Variants in ACIN1 observed in about 807,000 individuals in gnomAD.
The protein encoded by ACIN1 is apoptotic chromatin condensation inducer in the nucleus.
Under a neutral mutation model 146.6 loss-of-function variants are expected in ACIN1, and 16 were observed. The observed-to-expected ratio is 0.11, with a 90% CI of 0.07 to 0.17. ACIN1 has a LOEUF of 0.17. Ranked by LOEUF, ACIN1 falls within the 10% of genes least tolerant of loss-of-function variation. The probability of loss-of-function intolerance (pLI) is 1.00; values close to 1 mark genes in which losing one functional copy is unlikely to be tolerated. For missense variants in ACIN1, 1,357 were observed against 1,609.3 expected, an observed-to-expected ratio of 0.84 and a Z score of 2.68; for synonymous variants, 569 against 582.7, an observed-to-expected ratio of 0.98 and a Z score of 0.34.
chr14:23,080,021 T>C lies in ACIN1; in HGVS notation c.1314A>G (p.Pro438=), dbSNP rs753763998. The C allele has an allele frequency of 1.5e-5, 25 of 1,614,026 alleles. No homozygotes were observed. The highest frequency in any genetic ancestry group is 5.0e-5 in the Admixed American group (3 of 59,994). ...TKAESPAEKV[P]EESVLPLVQK... The stretch of plus-strand genomic sequence containing the variant: ...GAACCAGAGGCAGGACACTCTCCTC[T>C]GGCACTTTCTCTGCTGGAGATTCTG... The change falls in exon 6 of 19, where the codon CCA becomes CCG. Residue 438 remains proline (P), a synonymous_variant. Coordinates refer to ENST00000605057, the MANE Select transcript of ACIN1 (RefSeq NM_001386863.1).
chr14:23,090,750 A>C, intron 2 of ACIN1, 117 bp from the exon 3 acceptor site: 1 of 706,138 alleles, frequency 1.4e-6, no homozygotes, highest in Non-Finnish European at 2.3e-6. Flanking sequence ...AAGATAACTA[A>C]AATGTTGGAA....
intron 4 of ACIN1, among the ~76,000 whole-genome samples, chr14:23,086,174 A>G (rs1229058207): frequency 6.6e-6 from 1 of 152,202 alleles, no homozygotes; most frequent in Admixed American, 6.5e-5. Flanking sequence ...AATCTGACTC[A>G]TGTTAGACCT....
rs45461391 is a variant in ACIN1, at chr14:23,081,583, T to C, written c.525+165A>G. Among the ~76,000 whole-genome samples, 537 of 152,294 alleles carry C rather than the reference T, an allele frequency of 3.5e-3. 2 individuals are homozygous for C. Among genetic ancestry groups the C allele is most frequent in the Admixed American group, 6.9e-3 (106 of 15,296 alleles). ...AGGTCGAGGCTGTAGTAAGCTGTGA[T>C]TGTGCCACTGCACTCCAGCCTAGGC... On this transcript the variant is annotated intron_variant, in intron 5 of 18. Coordinates refer to ENST00000605057, the MANE Select transcript of ACIN1 (RefSeq NM_001386863.1).
chr14:23,072,858 G>C (rs1275296046), intron 8 of ACIN1, among the ~76,000 whole-genome samples: 1 of 152,188 alleles, frequency 6.6e-6, no homozygotes, highest in East Asian at 1.9e-4. Flanking sequence ...AGTCAGACTG[G>C]CTAGCCCCAC....
chr14:23,068,711 A>C lies in ACIN1; in HGVS notation c.2265+765T>G, dbSNP rs2047532723. 1 of 985,544 alleles carries C rather than the reference A, an allele frequency of 1.0e-6. No homozygotes were observed. Among genetic ancestry groups the C allele is most frequent in the Admixed American group, 6.2e-5 (1 of 16,260 alleles). 61.0% of individuals were successfully genotyped at this position (985,544 alleles called of 1,614,324 possible). On this transcript the variant is annotated intron_variant, in intron 9 of 18. Transcript: ENST00000605057. This position sits in a 1 kb window ranked among gnomAD's most constrained non-coding sequence, Gnocchi z 4.3. The stretch of plus-strand genomic sequence containing the variant: ...TACGGGGAAGAAGGACCTTGTAATA[A>C]ATAATATTCTGCACATCAAATCACT...
rs560495970 is a variant in ACIN1, at chr14:23,059,022, T to C, written c.*126A>G. 24 of 849,340 alleles carry C rather than the reference T, an allele frequency of 2.8e-5. No homozygotes were observed. The highest frequency in any genetic ancestry group is 6.8e-5 in the African/African-American group (4 of 59,014). 52.6% of individuals were successfully genotyped at this position (849,340 alleles called of 1,614,324 possible). ...AGGATGGCCACTTTTCCATTTGGTA[T>C]GTATGTAGGGATAGGTGATGTGAAA... On this transcript the variant is annotated 3_prime_UTR_variant, in exon 19 of 19. Coordinates refer to ENST00000605057, the MANE Select transcript of ACIN1 (RefSeq NM_001386863.1).
Position 23,080,435 on chromosome 14 carries a change from C to G in ACIN1, c.900G>C (p.Glu300Asp). Reference sequence around the variant, plus strand: ...GGGGAGATGTTGTTTTCATTTCCTTCTCCTGCTGCTGTCTGGCCAGATGAC... The same window carrying G: ...GGGGAGATGTTGTTTTCATTTCCTTGTCCTGCTGCTGTCTGGCCAGATGAC... ...RKSHLARQQQ[E>D]KEMKTTSPLE... is the part of the protein sequence containing the mutation. Residue 300 changes from glutamate (E) to aspartate (D), a missense_variant, in exon 6 of 19, where the codon GAG (glutamate) becomes GAC (aspartate). Glu to Asp is a conservative substitution (Grantham distance 45). Around this residue, in one of 4 missense-constraint regions of ACIN1, gnomAD observed 771 missense variants for 746.6 expected, o/e 1.03. Transcript: ENST00000605057. The G allele has an allele frequency of 6.2e-7, 1 of 1,614,124 alleles. No homozygotes were observed. The highest frequency in any genetic ancestry group is 8.5e-7 in the Non-Finnish European group (1 of 1,180,016).
chr14:23,070,144 G>C (rs1036859893), intron 8 of ACIN1, among the ~76,000 whole-genome samples: 22 of 129,016 alleles, frequency 1.7e-4, no homozygotes, highest in Non-Finnish European at 3.1e-4. Context: ...TGCTTAATAA[G>C]TAAAGGCCTG....
chr14:23,066,362 C>T (rs1028508971), intron 9 of ACIN1: 2 of 172,666 alleles, frequency 1.2e-5, no homozygotes, highest in Non-Finnish European at 2.5e-5. Context: ...CCTCTTTCAC[C>T]GTCTGAGTCG....
Position 23,062,204 on chromosome 14 carries a change from G to A in ACIN1, c.3063C>T (p.Pro1021=). 6.2e-7 allele frequency: 1 copy of A among 1,614,050 alleles called. No homozygotes were observed. The highest frequency in any genetic ancestry group is 8.5e-7 in the Non-Finnish European group (1 of 1,180,012). Residue 1021 remains proline (P), a synonymous_variant, in exon 16 of 19, where the codon CCC becomes CCT. Coordinates refer to ENST00000605057, the MANE Select transcript of ACIN1 (RefSeq NM_001386863.1). ...LHGVKWPQSN[P]KFLCADYAEQ... Reference sequence around the variant, plus strand: ...CGGCATAGTCAGCACAAAGGAATTTGGGATTGGACTGGGGCCATTTGACCC... The same window carrying A: ...CGGCATAGTCAGCACAAAGGAATTTAGGATTGGACTGGGGCCATTTGACCC...
chr14:23,058,820 A>C lies in ACIN1; in HGVS notation c.*328T>G, dbSNP rs2047176077. ...AAGAGAAGGCTGTAAGTACCCAGGG[A>C]GGTGGTAAGCAGGATGGAGGAAAAA... On this transcript the variant is annotated 3_prime_UTR_variant, in exon 19 of 19. Coordinates refer to ENST00000605057, the MANE Select transcript of ACIN1 (RefSeq NM_001386863.1). 1 of 360,076 alleles carries C rather than the reference A, an allele frequency of 2.8e-6. No homozygotes were observed. The highest frequency in any genetic ancestry group is 5.1e-6 in the Non-Finnish European group (1 of 195,212). The allele number at this position is 360,076 out of a possible 1,614,324, so 22.3% of individuals were successfully genotyped here.
At chr14:23,060,992 C>T in intron 18 of ACIN1, 92 bp downstream of exon 18, 1 of 1,230,342 alleles carries the variant, frequency 8.1e-7, no homozygotes, top group Non-Finnish European at 1.2e-6. Flanking sequence ...AGTACTTGGG[C>T]CGACTCACTC....
chr14:23,095,373 C>T (rs1174465820), upstream of ACIN1: 70 of 1,478,062 alleles, frequency 4.7e-5, no homozygotes, highest in Non-Finnish European at 6.3e-5. Flanking sequence ...CTTGCCGAAG[C>T]TTTGAATCGA....
rs1478545319 is a variant in ACIN1 at position 23,093,411 on chromosome 14, A to C, written c.204+68T>G. On this transcript the variant is annotated intron_variant, in intron 2 of 18. Transcript: ENST00000605057. ...TGAGGACTTAAGCATCAAATATACA[A>C]CACCACGTCCTTCCATGTGTCTGGA... 6 of 1,466,430 alleles carry C rather than the reference A, an allele frequency of 4.1e-6. No homozygotes were observed. The African/African-American group carries it at 4.2e-5, about 10-fold the overall frequency. The allele number at this position is 1,466,430 out of a possible 1,614,324, so 90.8% of individuals were successfully genotyped here.
At chr14:23,095,388 A>G, upstream of ACIN1, 3 of 1,407,878 alleles carry the variant, frequency 2.1e-6, no homozygotes, top group South Asian at 1.3e-5. Context: ...AATCGAATAT[A>G]TTCGGAAACC....
intron 1 of ACIN1, chr14:23,094,624 C>A: frequency 1.1e-6 from 1 of 939,790 alleles, no homozygotes; most frequent in Non-Finnish European, 1.4e-6. Context: ...CCCCCTCAGG[C>A]CAGCAACGCC....
intron 8 of ACIN1, chr14:23,071,050 C>A: frequency 6.9e-7 from 1 of 1,451,406 alleles, no homozygotes; most frequent in Non-Finnish European, 9.4e-7. Context: ...GAATGAAAGC[C>A]ATGAGGAAGA....
intron 4 of ACIN1, among the ~76,000 whole-genome samples, chr14:23,089,093 T>C (rs940741871): frequency 8.5e-5 from 13 of 152,204 alleles, no homozygotes; most frequent in African/African-American, 3.1e-4. Context: ...CAGGCTGAAG[T>C]GCAATGGTGC....
In ACIN1 at chr14:23,079,265, A is replaced by C. The variant is rs555765708; in HGVS notation, c.1789-227T>G. Among the ~76,000 whole-genome samples, 5 of 152,322 alleles carry C rather than the reference A, an allele frequency of 3.3e-5. No homozygotes were observed. In the East Asian group the frequency reaches 9.7e-4, roughly 29 times the overall value. ...ATGCTAGATCCTGGGACACACACGT[A>C]AAAGGGCATGCCCACATCCTCAAGA... On this transcript the variant is annotated intron_variant, in intron 6 of 18. Coordinates refer to ENST00000605057, the MANE Select transcript of ACIN1 (RefSeq NM_001386863.1).
Sources: allele counts gnomAD v4.1 joint callset (sites outside exome capture counted in the v4.1 genomes callset), GRCh38; gene constraint gnomAD v4.1.1; regional missense constraint gnomAD v4.1.1; non-coding constraint Gnocchi (gnomAD v3.1); transcripts MANE v1.5; gene names NCBI Gene and HGNC (gene_info 2026-07-23, HGNC 2026-07-21).